Variants in EPHX2 observed in about 807,000 individuals in gnomAD.
EPHX2 encodes bifunctional epoxide hydrolase 2.
In EPHX2, 74 loss-of-function variants were observed where a neutral mutation model predicts 78.7. The ratio of observed to expected loss-of-function variants is 0.94; its 90% CI spans 0.78 to 1.14. The LOEUF (loss-of-function observed/expected upper bound fraction) is 1.14. Ranked by LOEUF, EPHX2 falls within the 50% of genes most tolerant of loss-of-function variation. The pLI is 0.00. For synonymous variants in EPHX2, 251 were observed against 255.2 expected, an observed-to-expected ratio of 0.98 and a Z score of 0.16; for missense variants, 715 against 702.5, an observed-to-expected ratio of 1.02 and a Z score of -0.20.
intron 13 of EPHX2, among the ~76,000 whole-genome samples, chr8:27,538,394 C>T (rs72477575): frequency 0.015 from 2,209 of 152,308 alleles, 52 homozygotes; most frequent in African/African-American, 0.05. Flanking sequence ...TTACCAAGGT[C>T]TGCAAGGGCC....
At chr8:27,536,880 A>G in intron 13 of EPHX2, 25 bp downstream of exon 13, 1 of 1,613,348 alleles carries the variant, frequency 6.2e-7, no homozygotes, top group Non-Finnish European at 8.5e-7. Flanking sequence ...TGGGTGCAGA[A>G]GAACAGGAGG....
downstream of EPHX2, among the ~76,000 whole-genome samples, chr8:27,547,160 T>C (rs115243113): frequency 0.013 from 1,913 of 152,148 alleles, 40 homozygotes; most frequent in African/African-American, 0.044. Flanking sequence ...GAGATTTGGG[T>C]GGGGACAGAA....
At chr8:27,491,827 A>G (rs190551415) in intron 1 of EPHX2, among the ~76,000 whole-genome samples, 74 of 152,340 alleles carry the variant, frequency 4.9e-4, no homozygotes, top group Non-Finnish European at 5.9e-5. Context: ...AGCTATTTAT[A>G]CAATATGGTT....
intron 6 of EPHX2, 163 bp downstream of exon 6, chr8:27,512,073 G>T: frequency 3.8e-6 from 2 of 533,282 alleles, no homozygotes; most frequent in East Asian, 3.2e-5. Context: ...GCTCCAGCCT[G>T]GGCAACGGAG....
chr8:27,522,486 C>G lies in EPHX2; in HGVS notation c.1036C>G (p.Leu346Val), dbSNP rs775262679. 3.1e-6 allele frequency: 5 copies of G among 1,614,006 alleles called. No homozygotes were observed. The highest frequency in any genetic ancestry group is 4.2e-6 in the Non-Finnish European group (5 of 1,179,954). ...WGGMLVWYMA[L>V]FYPERVRAVA... ...TGGCATGCTGGTGTGGTACATGGCT[C>G]TCTTCTACCCCGAGAGAGTGAGGTA... The change falls in exon 11 of 19, where the codon CTC (leucine) becomes GTC (valine). Residue 346 changes from leucine to valine, a missense_variant. Leu to Val is a conservative substitution (Grantham distance 32). Transcript: ENST00000521400.
intron 6 of EPHX2, 122 bp downstream of exon 6, chr8:27,512,032 A>T: frequency 2.4e-5 from 19 of 796,812 alleles, no homozygotes; most frequent in Middle Eastern, 2.8e-4. Context: ...TGGGAAGTGG[A>T]GGTTGCAGTG....
intron 6 of EPHX2, 142 bp from the exon 7 acceptor site, chr8:27,515,576 C>G (rs1814415730): frequency 1.5e-6 from 1 of 663,846 alleles, no homozygotes. Context: ...TCATGTAACA[C>G]TGGGGTCTTT....
At chr8:27,501,330 CTT>C (rs1563340065) in intron 2 of EPHX2, among the ~76,000 whole-genome samples, 74 of 54,062 alleles carry the variant, frequency 1.4e-3, no homozygotes, top group Admixed American at 1.8e-3. Flanking sequence ...ATATTTTCTT[CTT>C]CTTCTTCTTC....
chr8:27,504,880 A>C, intron 3 of EPHX2, 76 bp from the exon 4 acceptor site: 1 of 1,482,044 alleles, frequency 6.7e-7, no homozygotes, highest in Non-Finnish European at 9.3e-7. Flanking sequence ...CCATCATTGG[A>C]GTCCCTTGGG....
intron 12 of EPHX2, among the ~76,000 whole-genome samples, chr8:27,534,919 G>A (rs1410450046): frequency 1.3e-5 from 2 of 152,204 alleles, no homozygotes; most frequent in East Asian, 3.9e-4. Context: ...CAGTGTTTGG[G>A]TCCGGTGTTG....
intron 6 of EPHX2, among the ~76,000 whole-genome samples, chr8:27,513,639 G>A (rs1341040645): frequency 6.6e-6 from 1 of 152,078 alleles, no homozygotes; most frequent in Non-Finnish European, 1.5e-5. Flanking sequence ...ATCTTTCTGT[G>A]TTCTGGCTTT....
At chr8:27,515,887 C>G in intron 7 of EPHX2, 74 bp downstream of exon 7, 1 of 1,314,260 alleles carries the variant, frequency 7.6e-7, no homozygotes, top group Non-Finnish European at 1.1e-6. Context: ...CCGACGTGGA[C>G]TGTCGTGAGG....
chr8:27,494,671 C>T (rs1813509469), intron 1 of EPHX2, among the ~76,000 whole-genome samples: 1 of 152,318 alleles, frequency 6.6e-6, no homozygotes, highest in Middle Eastern at 3.4e-3. Context: ...AGGGATTATT[C>T]CTTTGGCACA....
At chr8:27,518,343 C>T (rs72475857) in intron 9 of EPHX2, among the ~76,000 whole-genome samples, 1,998 of 152,340 alleles carry the variant, frequency 0.013, 38 homozygotes, top group African/African-American at 0.045. Flanking sequence ...GCCAGTAGAG[C>T]CAGGTTGGAA....
At chr8:27,492,092 CA>C (rs1305330644) in intron 1 of EPHX2, among the ~76,000 whole-genome samples, 2 of 152,094 alleles carry the variant, frequency 1.3e-5, no homozygotes, top group Non-Finnish European at 2.9e-5. Flanking sequence ...CCTCCTTTTA[CA>C]TATGAGGAAA....
chr8:27,532,138 C>T (rs1815066148), intron 12 of EPHX2, among the ~76,000 whole-genome samples: 1 of 152,098 alleles, frequency 6.6e-6, no homozygotes, highest in Non-Finnish European at 1.5e-5. Flanking sequence ...CTGCCTGTTG[C>T]TCCTGGGGGT....
At chr8:27,548,558 G>C (rs148941683), downstream of EPHX2, among the ~76,000 whole-genome samples, 1 of 152,196 alleles carries the variant, frequency 6.6e-6, no homozygotes, top group African/African-American at 2.4e-5. Context: ...ACCCAACCCA[G>C]CACTGGCCTG....
intron 16 of EPHX2, among the ~76,000 whole-genome samples, chr8:27,541,749 G>GGGT (rs1815411236): frequency 6.6e-6 from 1 of 152,120 alleles, no homozygotes; most frequent in East Asian, 1.9e-4. Context: ...GGATGGTAGA[G>GGGT]GGTGACCTTG....
intron 1 of EPHX2, among the ~76,000 whole-genome samples, chr8:27,500,645 A>G (rs1220879795): frequency 6.6e-6 from 1 of 152,336 alleles, no homozygotes; most frequent in South Asian, 2.1e-4. Context: ...TGACCGTTAT[A>G]TAGTAAAGTA....
Sources: gnomAD v4.1 joint callset for allele counts (sites outside exome capture counted in the v4.1 genomes callset) on GRCh38, gnomAD v4.1.1 for gene constraint, MANE v1.5 for transcripts, NCBI Gene and HGNC (gene_info 2026-07-23, HGNC 2026-07-21) for gene names.